Variants in FREM1 observed in about 807,000 individuals in gnomAD.
The protein encoded by FREM1 is FRAS1-related extracellular matrix protein 1.
FREM1 carries 220 observed loss-of-function variants against 210.1 expected under a neutral mutation model. The ratio of observed to expected loss-of-function variants is 1.05; its 90% CI spans 0.94 to 1.17. FREM1 has a LOEUF of 1.17. Among genes scored for constraint, FREM1 ranks in the 50% most tolerant of loss-of-function variants. The probability of loss-of-function intolerance (pLI) is 0.00; values close to 1 mark genes in which losing one functional copy is unlikely to be tolerated. For synonymous variants in FREM1, 1,189 were observed against 980.2 expected (o/e 1.21, Z -3.98); for missense variants, 3,454 against 2,675.5 (o/e 1.29, Z -6.42).
At chr9:14,810,772 G>C (rs572304408) in intron 16 of FREM1, among the ~76,000 whole-genome samples, 1 of 152,214 alleles carries the variant, frequency 6.6e-6, no homozygotes, top group South Asian at 2.1e-4. Context: ...CAACATAATT[G>C]CAACTATGTT....
chr9:14,843,528 T>C (rs989213838), intron 8 of FREM1, among the ~76,000 whole-genome samples: 6 of 151,928 alleles, frequency 3.9e-5, no homozygotes, highest in African/African-American at 1.4e-4. Context: ...GGTAGGCAGA[T>C]AGATACATAC....
chr9:14,843,544 T>C (rs1308253876), intron 8 of FREM1, among the ~76,000 whole-genome samples: 1 of 152,238 alleles, frequency 6.6e-6, no homozygotes, highest in Admixed American at 6.5e-5. Flanking sequence ...CATACATACA[T>C]AGATAGACAT....
chr9:14,816,708 C>A (rs1329436082), intron 15 of FREM1, 70 bp downstream of exon 15: 11 of 708,644 alleles, frequency 1.6e-5, no homozygotes, highest in Middle Eastern at 2.6e-4. Flanking sequence ...ATTACCCAGT[C>A]TGTAGTATTG....
chr9:14,812,928 A>G lies in FREM1; in HGVS notation c.2777T>C (p.Leu926Ser). The change falls in exon 16 of 37, where the codon TTG becomes TCG. Residue 926 changes from leucine (L) to serine (S), a missense_variant. Coordinates refer to ENST00000380880, the MANE Select transcript of FREM1 (RefSeq NM_001379081.2). ...AGGTTCGCGAGCAATCACAAACATC[A>G]ACTTCAAGTTATCGCTGTCCACATC... ...ATDVDSDNLK[L>S]MFVIAREPQH... 1 of 1,613,950 alleles carries G rather than the reference A, an allele frequency of 6.2e-7. No individual in the cohort carries two copies. Among genetic ancestry groups the G allele is most frequent in the Non-Finnish European group, 8.5e-7 (1 of 1,179,868 alleles).
chr9:14,744,766 T>C (rs1489414462), intron 35 of FREM1, among the ~76,000 whole-genome samples: 2 of 152,078 alleles, frequency 1.3e-5, no homozygotes, highest in African/African-American at 4.8e-5. Flanking sequence ...TACCTAGGAG[T>C]AGAATATGTT....
At chr9:14,860,944 TACACATATAC>T (rs1374337928) in intron 3 of FREM1, among the ~76,000 whole-genome samples, 40 of 123,598 alleles carry the variant, frequency 3.2e-4, no homozygotes, top group Non-Finnish European at 3.5e-4. Context: ...TACACACATA[TACACATATAC>T]ACATATATAC....
intron 1 of FREM1, among the ~76,000 whole-genome samples, chr9:14,877,866 G>A (rs969219914): frequency 2.0e-4 from 31 of 152,134 alleles, no homozygotes; most frequent in African/African-American, 7.2e-4. Flanking sequence ...AGATAAATTT[G>A]TATTGTTTTA....
chr9:14,806,580 A>G (rs1244119257), intron 18 of FREM1, 81 bp downstream of exon 18: 7 of 853,286 alleles, frequency 8.2e-6, no homozygotes, highest in Non-Finnish European at 1.1e-5. Context: ...AGTCCTTACA[A>G]AGTTATTAAG....
At chr9:14,857,464 C>T in intron 5 of FREM1, 89 bp downstream of exon 5, 3 of 1,128,838 alleles carry the variant, frequency 2.7e-6, no homozygotes, top group Non-Finnish European at 4.1e-6. Context: ...GGAACTCTCC[C>T]TGGCATGGGG....
At chr9:14,860,235 A>G (rs1430236643) in intron 3 of FREM1, among the ~76,000 whole-genome samples, 1 of 152,150 alleles carries the variant, frequency 6.6e-6, no homozygotes, top group Non-Finnish European at 1.5e-5. Context: ...ATGGAGGAAG[A>G]AACTCAGGCA....
chr9:14,822,239 T>C (rs1468333360), intron 13 of FREM1, among the ~76,000 whole-genome samples: 2 of 152,166 alleles, frequency 1.3e-5, no homozygotes, highest in Non-Finnish European at 2.9e-5. Flanking sequence ...CTCGGGTATG[T>C]CTTTATTAGC....
intron 1 of FREM1, among the ~76,000 whole-genome samples, chr9:14,880,044 AG>A (rs1834513013): frequency 6.6e-6 from 1 of 152,094 alleles, no homozygotes; most frequent in Admixed American, 6.6e-5. Context: ...TAAGGTCATG[AG>A]GGTAGAGTCC....
At chr9:14,742,932 T>C (rs895149766) in intron 35 of FREM1, among the ~76,000 whole-genome samples, 1 of 152,100 alleles carries the variant, frequency 6.6e-6, no homozygotes, top group Non-Finnish European at 1.5e-5. Context: ...TTCTATCTCT[T>C]TCATTTACTT....
intron 11 of FREM1, 73 bp downstream of exon 11, chr9:14,824,723 A>C: frequency 1.1e-6 from 1 of 923,806 alleles, no homozygotes. Flanking sequence ...ATATATATAT[A>C]TATTGCTCTA....
intron 21 of FREM1, among the ~76,000 whole-genome samples, chr9:14,793,335 C>T (rs1405897608): frequency 6.6e-6 from 1 of 152,138 alleles, no homozygotes; most frequent in Non-Finnish European, 1.5e-5. Flanking sequence ...GATGATATGC[C>T]ATTCTGAGTT....
upstream of FREM1, chr9:14,910,664 C>T (rs138782013): frequency 1.3e-5 from 2 of 152,592 alleles, no homozygotes; most frequent in African/African-American, 4.8e-5. Flanking sequence ...CATAGTGACC[C>T]ACCCCACACA....
At position 14,797,635 on chromosome 9, in the gene FREM1, C is replaced by T. The variant is rs767833064; in HGVS notation, c.3702G>A (p.Arg1234=). 6 of 1,610,294 alleles carry T rather than the reference C, an allele frequency of 3.7e-6. No individual in the cohort carries two copies. Among genetic ancestry groups the T allele is most frequent in the South Asian group, 3.3e-5 (3 of 90,394 alleles). Residue 1234 remains arginine, a synonymous_variant, in exon 21 of 37, where the codon AGG becomes AGA. Coordinates refer to ENST00000380880, the MANE Select transcript of FREM1 (RefSeq NM_001379081.2). ...CTGAGTCATCATGCATGTACGTCAA[C>T]CTCATTCCTGGAAGAAGGAAAAAAA... ...FSMELLKTGM[R]LTYMHDDSES...
At chr9:14,857,431 G>A (rs2131521520) in intron 5 of FREM1, 122 bp downstream of exon 5, 3 of 843,836 alleles carry the variant, frequency 3.6e-6, no homozygotes, top group Non-Finnish European at 6.2e-6. Flanking sequence ...TGAGTCGCTG[G>A]CAGTTTTACC....
chr9:14,900,065 T>C (rs373725447), intron 1 of FREM1, among the ~76,000 whole-genome samples: 1 of 152,226 alleles, frequency 6.6e-6, no homozygotes, highest in Non-Finnish European at 1.5e-5. Flanking sequence ...TTCACACTCA[T>C]GGCTTCAGAC....
Sources: gnomAD v4.1 joint callset for allele counts (sites outside exome capture counted in the v4.1 genomes callset) on GRCh38, gnomAD v4.1.1 for gene constraint, MANE v1.5 for transcripts, NCBI Gene and HGNC (gene_info 2026-07-23, HGNC 2026-07-21) for gene names.